SGCG: variants seen among roughly 807,000 people sequenced by gnomAD.
SGCG encodes the protein gamma-sarcoglycan.
Under a neutral mutation model 29.3 loss-of-function variants are expected in SGCG, and 26 were observed. That is an observed-to-expected ratio of 0.89 (90% CI 0.65 to 1.23). The LOEUF is 1.23. Among genes scored for constraint, SGCG ranks in the 50% most tolerant of loss-of-function variants. SGCG has a pLI of 0.00. For missense variants in SGCG, 353 were observed against 356.0 expected (o/e 0.99, Z 0.07); for synonymous variants, 145 against 129.7 (o/e 1.12, Z -0.80).
chr13:23,294,861 G>C (rs1413315636), intron 5 of SGCG, among the ~76,000 whole-genome samples: 1 of 152,090 alleles, frequency 6.6e-6, no homozygotes, highest in East Asian at 1.9e-4. Context: ...ACTTTCACCT[G>C]TGTTTTTCTG....
intron 6 of SGCG, among the ~76,000 whole-genome samples, chr13:23,314,176 G>GTA (rs1344869674): frequency 4.2e-3 from 568 of 135,668 alleles, no homozygotes; most frequent in Admixed American, 0.01. Context: ...GTTTTGAACA[G>GTA]TATATATATA....
At chr13:23,202,490 TC>T (rs1877806276) in intron 1 of SGCG, among the ~76,000 whole-genome samples, 1 of 152,150 alleles carries the variant, frequency 6.6e-6, no homozygotes, top group African/African-American at 2.4e-5. Context: ...GAGAGAACCA[TC>T]AGGAATACAT....
chr13:23,285,859 G>A (rs973598714), intron 5 of SGCG, among the ~76,000 whole-genome samples: 11 of 152,158 alleles, frequency 7.2e-5, no homozygotes, highest in Non-Finnish European at 2.9e-5. Context: ...TTGGCTAGGC[G>A]AGGGAGTTCT....
chr13:23,260,397 G>T (rs1880377778), intron 4 of SGCG, among the ~76,000 whole-genome samples: 1 of 152,040 alleles, frequency 6.6e-6, no homozygotes, highest in Admixed American at 6.6e-5. Context: ...CCATTTGCTT[G>T]GTAGATCTTC....
At chr13:23,262,554 A>G (rs989913377) in intron 4 of SGCG, among the ~76,000 whole-genome samples, 108 of 152,068 alleles carry the variant, frequency 7.1e-4, no homozygotes, top group African/African-American at 2.6e-3. Context: ...GCAAAACAAT[A>G]ACAGTGGAGG....
chr13:23,240,825 A>G (rs1391175160), intron 3 of SGCG, among the ~76,000 whole-genome samples: 2 of 152,192 alleles, frequency 1.3e-5, no homozygotes, highest in African/African-American at 4.8e-5. Flanking sequence ...CAGTGCTTAG[A>G]CGGAAATTTA....
At chr13:23,229,824 T>C (rs564430088) in intron 2 of SGCG, among the ~76,000 whole-genome samples, 34 of 152,336 alleles carry the variant, frequency 2.2e-4, no homozygotes, top group Non-Finnish European at 4.3e-4. Context: ...TCTGTTGCAG[T>C]TGATTTTGCT....
At chr13:23,176,967 G>C (rs4432118), upstream of SGCG, among the ~76,000 whole-genome samples, 1 of 152,008 alleles carries the variant, frequency 6.6e-6, no homozygotes, top group Admixed American at 6.5e-5. Flanking sequence ...TATAGAATCA[G>C]CCTATGTGTT....
At chr13:23,312,149 A>G (rs579145) in intron 6 of SGCG, among the ~76,000 whole-genome samples, 144,154 of 152,288 alleles carry the variant, frequency 0.95, 68,307 homozygotes, top group Middle Eastern at 0.99. Flanking sequence ...TATTGCATCT[A>G]GATTCATTCA....
At chr13:23,199,030 C>T (rs1877633859) in intron 1 of SGCG, among the ~76,000 whole-genome samples, 1 of 151,360 alleles carries the variant, frequency 6.6e-6, no homozygotes. Flanking sequence ...ATGACGGGGA[C>T]CTGGAAAGCA....
At chr13:23,288,626 C>T (rs1881590021) in intron 5 of SGCG, among the ~76,000 whole-genome samples, 2 of 152,174 alleles carry the variant, frequency 1.3e-5, no homozygotes, top group Non-Finnish European at 2.9e-5. Flanking sequence ...TAAGCAGGCT[C>T]ATCTTCCTCC....
At chr13:23,283,370 A>G (rs935493539) in intron 5 of SGCG, among the ~76,000 whole-genome samples, 7 of 152,286 alleles carry the variant, frequency 4.6e-5, no homozygotes, top group African/African-American at 1.4e-4. Flanking sequence ...ACCATTATGT[A>G]ATGCCCTTCT....
intron 4 of SGCG, among the ~76,000 whole-genome samples, chr13:23,274,346 A>C (rs1324727595): frequency 6.8e-6 from 1 of 147,088 alleles, no homozygotes; most frequent in African/African-American, 2.5e-5. Flanking sequence ...CTCAACTCAC[A>C]GTTCTGCCTT....
At chr13:23,223,133 C>T (rs900916956) in intron 2 of SGCG, among the ~76,000 whole-genome samples, 9 of 152,022 alleles carry the variant, frequency 5.9e-5, no homozygotes, top group South Asian at 2.1e-4. Flanking sequence ...AAAAAACTAG[C>T]GGGGTGTGGT....
intron 6 of SGCG, among the ~76,000 whole-genome samples, chr13:23,297,665 T>G (rs1265301222): frequency 6.6e-6 from 1 of 152,186 alleles, no homozygotes; most frequent in Non-Finnish European, 1.5e-5. Flanking sequence ...ACCCACAACC[T>G]TCCAGCGTGG....
At chr13:23,296,718 A>G (rs2137646992) in intron 6 of SGCG, among the ~76,000 whole-genome samples, 1 of 152,276 alleles carries the variant, frequency 6.6e-6, no homozygotes, top group African/African-American at 2.4e-5. Context: ...GACTTAGCAT[A>G]CTTTCCTCAC....
chr13:23,201,582 C>T (rs867687888), intron 1 of SGCG, among the ~76,000 whole-genome samples: 1 of 152,088 alleles, frequency 6.6e-6, no homozygotes, highest in Admixed American at 6.6e-5. Flanking sequence ...GCAACGTCTC[C>T]CCTCCACCCT....
At chr13:23,169,490 C>A in the SGCG span, among the ~76,000 whole-genome samples, 23 of 151,842 alleles carry the variant, frequency 1.5e-4, no homozygotes. Flanking sequence ...ACCATTCTGG[C>A]CAACATGGTG....
In SGCG at chr13:23,200,138, G is replaced by T. The variant is rs1020843499; in HGVS notation, c.1-3557G>T. ...GTACGCTTAAATAAAAAATGTCTGG[G>T]TTGGCCGGGCGTGGTGGTGCATGCC... On this transcript the variant is annotated intron_variant, in intron 1 of 7. Coordinates refer to ENST00000218867, the MANE Select transcript of SGCG (RefSeq NM_000231.3). 9.2e-5 allele frequency among the ~76,000 whole-genome samples: 14 copies of T among 152,072 alleles called. No homozygotes were observed. In the South Asian group the frequency reaches 1.0e-3, roughly 11 times the overall value.
Sources: allele counts gnomAD v4.1 joint callset (sites outside exome capture counted in the v4.1 genomes callset), GRCh38; gene constraint gnomAD v4.1.1; transcripts MANE v1.5; gene names NCBI Gene and HGNC (gene_info 2026-07-23, HGNC 2026-07-21).